TRPM7: variants seen among roughly 807,000 people sequenced by gnomAD.
The protein encoded by TRPM7 is transient receptor potential cation channel subfamily M member 7, also known as LTRPC ion channel family member 7.
In TRPM7, 134 loss-of-function variants were observed where a neutral mutation model predicts 229.7. The ratio of observed to expected loss-of-function variants is 0.58; its 90% confidence interval spans 0.51 to 0.67. The LOEUF (loss-of-function observed/expected upper bound fraction) is 0.67. Ranked by LOEUF, TRPM7 falls within the 30% of genes least tolerant of loss-of-function variation. The probability of loss-of-function intolerance (pLI) is 0.00; values close to 1 mark genes in which losing one functional copy is unlikely to be tolerated. For missense variants in TRPM7, 1,901 were observed against 2,210.0 expected (o/e 0.86, Z 2.80); for synonymous variants, 699 against 715.2 (o/e 0.98, Z 0.36).
chr15:50,592,166 G>A lies in TRPM7; in HGVS notation c.4069C>T (p.Pro1357Ser), dbSNP rs1325804887. ...AGTTCTGGAGGGGAAACAGCACTTG[G>A]GAATAAGGCACCAGAAGAGGAACCA... ...EAGSSSGALF[P>S]SAVSPPELRQ... Residue 1357 changes from proline to serine, a missense_variant, in exon 26 of 39, where the codon CCA (proline) becomes TCA (serine). Physicochemically the swap from Pro to Ser is moderately conservative, Grantham distance 74. Around this residue, in one of 8 missense-constraint regions of TRPM7, gnomAD observed 533 missense variants for 497.1 expected, o/e 1.07. Transcript: ENST00000646667. The A allele has an allele frequency of 3.1e-6, 5 of 1,613,964 alleles. No individual in the cohort carries two copies. The highest frequency in any genetic ancestry group is 4.2e-6 in the Non-Finnish European group (5 of 1,179,970).
At chr15:50,614,976 C>A (rs183460109) in intron 13 of TRPM7, among the ~76,000 whole-genome samples, 40 of 151,946 alleles carry the variant, frequency 2.6e-4, no homozygotes, top group Non-Finnish European at 5.4e-4. Context: ...TCGAGACCAG[C>A]CTGGCCAACA....
At chr15:50,600,369 G>A (rs1298997997) in intron 21 of TRPM7, among the ~76,000 whole-genome samples, 1 of 151,520 alleles carries the variant, frequency 6.6e-6, no homozygotes, top group Non-Finnish European at 1.5e-5. Context: ...CCCAGGAGGC[G>A]GAGGCTGCAG....
Position 50,586,385 on chromosome 15 carries a change from TACTC to T in TRPM7, c.4486+3_4486+6del, listed in dbSNP as rs1315209132. 1.3e-6 allele frequency: 2 copies of T among 1,569,408 alleles called. No individual in the cohort carries two copies. The highest frequency in any genetic ancestry group is 1.7e-4 in the Middle Eastern group (1 of 5,974). On this transcript the variant is annotated splice_donor_5th_base_variant and intron_variant, in intron 28 of 38. Transcript: ENST00000646667. ...TCTGACACTATTCATATGGTCAAAA[TACTC>T]ACCTTGTTTTGAATGAACAGGAATG...
intron 1 of TRPM7, among the ~76,000 whole-genome samples, chr15:50,682,803 G>C (rs1371069590): frequency 6.6e-6 from 1 of 151,916 alleles, no homozygotes; most frequent in Non-Finnish European, 1.5e-5. Flanking sequence ...TCTTTTTACT[G>C]ATTCACATAA....
chr15:50,634,138 G>A (rs1434609680), intron 8 of TRPM7, among the ~76,000 whole-genome samples: 1 of 151,886 alleles, frequency 6.6e-6, no homozygotes, highest in Non-Finnish European at 1.5e-5. Context: ...GCCCAACACA[G>A]TGAAACCCCA....
chr15:50,576,845 C>T (rs3105591), intron 31 of TRPM7, among the ~76,000 whole-genome samples: 57,721 of 152,118 alleles, frequency 0.38, 11,560 homozygotes, highest in Admixed American at 0.49. Flanking sequence ...GTGGCTCACA[C>T]CTATCATCAT....
chr15:50,565,919 G>C (rs1399188353), intron 38 of TRPM7, among the ~76,000 whole-genome samples: 2 of 151,778 alleles, frequency 1.3e-5, no homozygotes, highest in Non-Finnish European at 2.9e-5. Flanking sequence ...TGCCTCCCAG[G>C]TCCCAGTGAT....
chr15:50,660,018 T>C (rs747222407), intron 2 of TRPM7, among the ~76,000 whole-genome samples: 4 of 152,092 alleles, frequency 2.6e-5, no homozygotes, highest in Non-Finnish European at 4.4e-5. Context: ...GGAAGAAAAA[T>C]GGTATTTTAT....
chr15:50,605,221 A>G (rs2059890156), intron 20 of TRPM7, 77 bp from the exon 21 acceptor site: 2 of 1,164,084 alleles, frequency 1.7e-6, no homozygotes, highest in Non-Finnish European at 1.2e-6. Flanking sequence ...CAACTATAAC[A>G]TTACAGTAGA....
intron 3 of TRPM7, among the ~76,000 whole-genome samples, chr15:50,649,834 A>C (rs929110847): frequency 6.6e-6 from 1 of 152,112 alleles, no homozygotes. Context: ...TAGAAAACAA[A>C]AAGAGGAGGG....
chr15:50,673,724 C>T (rs2062039087), intron 1 of TRPM7, among the ~76,000 whole-genome samples: 1 of 151,942 alleles, frequency 6.6e-6, no homozygotes, highest in South Asian at 2.1e-4. Context: ...TTATGAATTA[C>T]GCTGCTATAA....
At chr15:50,639,899 A>G (rs902273658) in intron 5 of TRPM7, among the ~76,000 whole-genome samples, 1 of 146,476 alleles carries the variant, frequency 6.8e-6, no homozygotes, top group African/African-American at 2.4e-5. Context: ...CCTTCAAGAT[A>G]TAAGGCAACA....
At position 50,592,209 on chromosome 15, in the gene TRPM7, T is replaced by C; in HGVS notation, c.4026A>G (p.Glu1342=). The C allele has an allele frequency of 3.1e-6, 5 of 1,614,182 alleles. No homozygotes were observed. The highest frequency in any genetic ancestry group is 4.2e-6 in the Non-Finnish European group (5 of 1,180,028). Residue 1342 remains glutamate (E), a synonymous_variant, in exon 26 of 39, where the codon GAA becomes GAG. Transcript: ENST00000646667. Reference sequence around the variant, plus strand: ...AGGAACCAGCCTCTGGAAAATTAAATTCTTTTCTCTGGGGTACTGCAGGTA... The same window carrying C: ...AGGAACCAGCCTCTGGAAAATTAAACTCTTTTCTCTGGGGTACTGCAGGTA... The part of the protein sequence containing the change: ...QDLPAVPQRK[E]FNFPEAGSSS...
intron 2 of TRPM7, among the ~76,000 whole-genome samples, chr15:50,661,651 A>G (rs1048891290): frequency 6.6e-6 from 1 of 152,234 alleles, no homozygotes. Context: ...TCTATAATAT[A>G]AAGAGATATC....
intron 31 of TRPM7, among the ~76,000 whole-genome samples, chr15:50,577,753 A>T (rs974035111): frequency 3.3e-5 from 5 of 152,242 alleles, no homozygotes; most frequent in African/African-American, 4.8e-5. Flanking sequence ...ATCAAACAAC[A>T]TGAACAAGAA....
intron 36 of TRPM7, among the ~76,000 whole-genome samples, chr15:50,573,221 G>T (rs1016118419): frequency 3.3e-5 from 5 of 152,152 alleles, no homozygotes; most frequent in African/African-American, 1.2e-4. Context: ...GGCTACCCTT[G>T]TAAGTTGCCT....
At position 50,639,497 on chromosome 15, in the gene TRPM7, G is replaced by A. The variant is rs992116396; in HGVS notation, c.587C>T (p.Ser196Phe). The A allele has an allele frequency of 1.2e-6, 2 of 1,611,888 alleles. No individual in the cohort carries two copies. Among genetic ancestry groups the A allele is most frequent in the Non-Finnish European group, 1.7e-6 (2 of 1,178,656 alleles). The change falls in exon 6 of 39, where the codon TCT becomes TTT. Residue 196 changes from serine to phenylalanine, a missense_variant. Coordinates refer to ENST00000646667, the MANE Select transcript of TRPM7 (RefSeq NM_017672.6). ...TATTCCGATAGTGCAAATCTTTCGA[G>A]ATGATCTGGAAGCATGTTCTTTGAG... ...DALKEHASRS[S>F]RKICTIGIAP... is the part of the protein sequence containing the mutation.
At position 50,635,044 on chromosome 15, in the gene TRPM7, G is replaced by A. The variant is rs149983657; in HGVS notation, c.833-488C>T. Among the ~76,000 whole-genome samples, 553 of 151,800 alleles carry A rather than the reference G, an allele frequency of 3.6e-3. 1 individual carries two copies. Among genetic ancestry groups the A allele is most frequent in the Middle Eastern group, 0.014 (4 of 290 alleles). ...AAATTAATGACAGTCTTGGCCGGGC[G>A]TGGTGGCTCATGCCTGTAATCCCAG... On this transcript the variant is annotated intron_variant, in intron 7 of 38. Transcript: ENST00000646667.
intron 6 of TRPM7, among the ~76,000 whole-genome samples, chr15:50,639,208 A>G (rs1477660565): frequency 6.6e-6 from 1 of 152,240 alleles, no homozygotes; most frequent in Non-Finnish European, 1.5e-5. Context: ...CCAACACTGT[A>G]ACAGCATTTA....
Sources: allele counts gnomAD v4.1 joint callset (sites outside exome capture counted in the v4.1 genomes callset), GRCh38; gene constraint gnomAD v4.1.1; regional missense constraint gnomAD v4.1.1; transcripts MANE v1.5; gene names NCBI Gene and HGNC (gene_info 2026-07-23, HGNC 2026-07-21).